SH2B2: variants seen among roughly 807,000 people sequenced by gnomAD.
SH2B2 encodes SH2B adaptor protein 2, also known as SH2B adapter protein 2.
SH2B2 carries 37 observed loss-of-function variants against 35.7 expected under a neutral mutation model. That is an observed-to-expected ratio of 1.04 (90% CI 0.80 to 1.36). The LOEUF is 1.36. SH2B2 is among the 40% of genes most tolerant of loss of function. The probability of loss-of-function intolerance (pLI) is 0.00; values close to 1 mark genes in which losing one functional copy is unlikely to be tolerated. For missense variants in SH2B2, 852 were observed against 817.7 expected (o/e 1.04, Z -0.51); for synonymous variants, 383 against 376.4 (o/e 1.02, Z -0.20).
At chr7:102,305,423 G>T (rs1396403136) in intron 2 of SH2B2, among the ~76,000 whole-genome samples, 3 of 151,974 alleles carry the variant, frequency 2.0e-5, no homozygotes, top group South Asian at 4.2e-4. Flanking sequence ...GCACCACCAC[G>T]CCTGGCTAAT....
At chr7:102,300,408 A>C (rs1586577186) in intron 1 of SH2B2, 114 bp from the exon 2 acceptor site, 25 of 1,232,716 alleles carry the variant, frequency 2.0e-5, no homozygotes, top group Non-Finnish European at 2.4e-5. Context: ...ACACGTGTGC[A>C]TGTACACACA....
At chr7:102,303,896 C>T (rs1390505441) in intron 2 of SH2B2, among the ~76,000 whole-genome samples, 1 of 152,162 alleles carries the variant, frequency 6.6e-6, no homozygotes, top group African/African-American at 2.4e-5. Context: ...TTAGTCCCAG[C>T]AGAGCCCACT....
In SH2B2 at chr7:102,297,299, C is replaced by T. The variant is rs1792956289; in HGVS notation, c.-29-3223C>T. ...GCGGGCCAGGTGCAAGTGGCTCGTGCCTGTAATTTCAGCACTTTGGGAGGC... is the reference window on the plus strand; with the variant it reads ...GCGGGCCAGGTGCAAGTGGCTCGTGTCTGTAATTTCAGCACTTTGGGAGGC... On this transcript the variant is annotated intron_variant, in intron 1 of 8. Coordinates refer to ENST00000444095, the MANE Select transcript of SH2B2 (RefSeq NM_001359228.2). This position sits in a 1 kb window ranked among gnomAD's most constrained non-coding sequence, Gnocchi z 4.3. 6.6e-6 allele frequency among the ~76,000 whole-genome samples: 1 copy of T among 151,868 alleles called. No individual in the cohort carries two copies. Among genetic ancestry groups the T allele is most frequent in the Admixed American group, 6.6e-5 (1 of 15,236 alleles).
At chr7:102,318,427 C>T (rs1260155909) in intron 7 of SH2B2, among the ~76,000 whole-genome samples, 2 of 152,216 alleles carry the variant, frequency 1.3e-5, no homozygotes, top group South Asian at 2.1e-4. Context: ...GCGTGAGCCC[C>T]CACGCCCGGC....
Position 102,306,829 on chromosome 7 carries a change from T to C in SH2B2, c.831+7T>C. On this transcript the variant is annotated splice_region_variant and intron_variant, in intron 3 of 8. Transcript: ENST00000444095. ...TAACACATTCGTCCTCAAGGTGAGG[T>C]CTCACCCCTAACCTCAGAGATCCTC... is the stretch of plus-strand genomic sequence containing the variant. The C allele has an allele frequency of 3.8e-6, 6 of 1,562,788 alleles. No homozygotes were observed. The highest frequency in any genetic ancestry group is 5.2e-6 in the Non-Finnish European group (6 of 1,151,030).
At position 102,305,023 on chromosome 7, in the gene SH2B2, G is replaced by C. The variant is rs564528491; in HGVS notation, c.730-1698G>C. On this transcript the variant is annotated intron_variant, in intron 2 of 8. Transcript: ENST00000444095. ...GGCAGGGAGCTTTGAGGCAGAGCGA[G>C]TGGGGCCAGGCACAGAGTGGCGGTC... Among the ~76,000 whole-genome samples, 8 of 152,342 alleles carry C rather than the reference G, an allele frequency of 5.3e-5. No individual in the cohort carries two copies. The South Asian group carries it at 1.7e-3, about 32-fold the overall frequency.
intron 3 of SH2B2, among the ~76,000 whole-genome samples, chr7:102,308,063 G>A (rs541793847): frequency 1.6e-4 from 25 of 152,234 alleles, no homozygotes; most frequent in African/African-American, 5.3e-4. Flanking sequence ...GAGCCACCGC[G>A]CCCGGCCCAG....
intron 1 of SH2B2, among the ~76,000 whole-genome samples, chr7:102,292,539 A>AAG (rs1723274067): frequency 6.6e-6 from 1 of 151,710 alleles, no homozygotes; most frequent in Admixed American, 6.6e-5. Flanking sequence ...TCAAAAAAAA[A>AAG]AAAAAAAAAT....
intron 4 of SH2B2, among the ~76,000 whole-genome samples, chr7:102,310,291 G>C (rs1279931390): frequency 6.6e-6 from 1 of 152,206 alleles, no homozygotes; most frequent in East Asian, 1.9e-4. Context: ...ACTCCAGTCT[G>C]AGCGACAGAG....
chr7:102,295,827 T>C (rs1043583518), intron 1 of SH2B2, among the ~76,000 whole-genome samples: 2 of 152,108 alleles, frequency 1.3e-5, no homozygotes, highest in Non-Finnish European at 2.9e-5. Context: ...AGGTCAGGCA[T>C]GAGCAAAGCT....
chr7:102,321,510 G>T lies in SH2B2; in HGVS notation c.1779G>T (p.Arg593=). 1 of 1,149,870 alleles carries T rather than the reference G, an allele frequency of 8.7e-7. No individual in the cohort carries two copies. The highest frequency in any genetic ancestry group is 4.8e-5 in the Admixed American group (1 of 20,728). 71.2% of individuals were successfully genotyped at this position (1,149,870 alleles called of 1,614,324 possible). Residue 593 remains arginine (R), a synonymous_variant, in exon 9 of 9, where the codon CGG becomes CGT. Coordinates refer to ENST00000444095, the MANE Select transcript of SH2B2 (RefSeq NM_001359228.2). The part of the protein sequence containing the change: ...PRPVEGQLSA[R]SRSNSAERLL... ...CCGTCGAGGGCCAGCTCAGCGCGCG[G>T]AGCCGCAGCAACAGCGCCGAGCGCC... is the stretch of plus-strand genomic sequence containing the variant.
intron 1 of SH2B2, among the ~76,000 whole-genome samples, chr7:102,289,303 A>G (rs1012966346): frequency 1.4e-4 from 22 of 152,036 alleles, no homozygotes; most frequent in Admixed American, 4.6e-4. Context: ...GGTGGAAGAG[A>G]CAGGCCACAG....
At chr7:102,292,328 C>T (rs543692180) in intron 1 of SH2B2, among the ~76,000 whole-genome samples, 16 of 152,082 alleles carry the variant, frequency 1.1e-4, no homozygotes, top group African/African-American at 3.6e-4. Context: ...GTCGGAAGTT[C>T]GAGACCAGCC....
At chr7:102,295,989 C>A (rs1353359840) in intron 1 of SH2B2, among the ~76,000 whole-genome samples, 3 of 152,140 alleles carry the variant, frequency 2.0e-5, no homozygotes, top group African/African-American at 4.8e-5. Flanking sequence ...TCATGAAGCC[C>A]AACGCAATAA....
intron 3 of SH2B2, 38 bp downstream of exon 3, chr7:102,306,860 GC>G (rs1197759068): frequency 2.0e-6 from 3 of 1,482,972 alleles, no homozygotes; most frequent in Non-Finnish European, 2.8e-6. Flanking sequence ...TCCTCCAGCT[GC>G]CCCAGGCCAC....
At chr7:102,292,850 G>C (rs1324533594) in intron 1 of SH2B2, among the ~76,000 whole-genome samples, 1 of 152,208 alleles carries the variant, frequency 6.6e-6, no homozygotes, top group African/African-American at 2.4e-5. Flanking sequence ...TCTGAGGACG[G>C]AGCTAAGTGA....
intron 1 of SH2B2, among the ~76,000 whole-genome samples, chr7:102,287,752 C>T (rs1586558994): frequency 2.6e-5 from 4 of 152,168 alleles, no homozygotes; most frequent in African/African-American, 9.7e-5. Context: ...CTGCGCGGGC[C>T]GGAACCGCGC....
intron 6 of SH2B2, among the ~76,000 whole-genome samples, chr7:102,315,744 G>GAAAAAAAAAAAAAAAAAAA (rs61456197): frequency 2.2e-5 from 2 of 90,568 alleles, no homozygotes; most frequent in South Asian, 4.7e-4. Context: ...CCTGTGAAAA[G>GAAAAAAAAAAAAAAAAAAA]AAAAAAAAAA....
intron 6 of SH2B2, among the ~76,000 whole-genome samples, chr7:102,315,190 AAAAAAAAAG>A (rs1238655816): frequency 7.4e-5 from 11 of 149,146 alleles, no homozygotes; most frequent in Admixed American, 2.0e-4. Flanking sequence ...CTATGTCTCA[AAAAAAAAAG>A]AAAGAAAAGA....
Sources: gnomAD v4.1 joint callset for allele counts (sites outside exome capture counted in the v4.1 genomes callset) on GRCh38, gnomAD v4.1.1 for gene constraint, Gnocchi (gnomAD v3.1) non-coding constraint, MANE v1.5 for transcripts, NCBI Gene and HGNC (gene_info 2026-07-23, HGNC 2026-07-21) for gene names.